CSNK2B: variants seen among roughly 807,000 people sequenced by gnomAD.
The protein encoded by CSNK2B is casein kinase II subunit beta.
CSNK2B carries 2 observed loss-of-function variants against 28.8 expected under a neutral mutation model. The ratio of observed to expected loss-of-function variants is 0.07; its 90% CI spans 0.03 to 0.22. The LOEUF (loss-of-function observed/expected upper bound fraction) is 0.22. CSNK2B is among the 10% of genes least tolerant of loss of function. CSNK2B has a pLI of 1.00. For synonymous variants in CSNK2B, 89 were observed against 96.1 expected (o/e 0.93, Z 0.43); for missense variants, 107 against 277.9 (o/e 0.39, Z 4.37).
At position 31,667,928 on chromosome 6, in the gene CSNK2B, C is replaced by A; in HGVS notation, c.133C>A (p.His45Asn). The A allele has an allele frequency of 6.4e-7, 1 of 1,574,542 alleles. No individual in the cohort carries two copies. The highest frequency in any genetic ancestry group is 8.6e-7 in the Non-Finnish European group (1 of 1,164,862). ...NLTGLNEQVP[H>N]YRQALDMILD... ...TACTGGACTCAATGAGCAGGTCCCT[C>A]ACTATCGACAAGCTCTAGACATGAT... The change falls in exon 3 of 7, where the codon CAC becomes AAC. Residue 45 changes from histidine (H) to asparagine (N), a missense_variant. By Grantham distance (68) the His-to-Asn change is moderately conservative (BLOSUM62 1). Transcript: ENST00000375882.
intron 4 of CSNK2B, 167 bp downstream of exon 4, chr6:31,668,821 G>A (rs1356594182): frequency 1.5e-6 from 1 of 653,900 alleles, no homozygotes; most frequent in Admixed American, 2.6e-5. Context: ...TCATCCTGAA[G>A]GGATTGTTTT....
intron 4 of CSNK2B, 107 bp downstream of exon 4, chr6:31,668,761 A>G: frequency 9.6e-7 from 1 of 1,037,476 alleles, no homozygotes; most frequent in Non-Finnish European, 1.5e-6. Flanking sequence ...AGCTGAGAAG[A>G]GGGGAAGAAC....
rs1802053190 is a variant in CSNK2B at position 31,669,794 on chromosome 6, G to A, written c.558-42G>A. On this transcript the variant is annotated intron_variant, in intron 6 of 6. Transcript: ENST00000375882. This position sits in a 1 kb window ranked among gnomAD's most constrained non-coding sequence, Gnocchi z 4.8. Reference sequence around the variant, plus strand: ...TGCAGGTGACTGGCAGGGCCTGGATGGGGCTCATGCTGCTGCCTCTCTGAC... The same window carrying A: ...TGCAGGTGACTGGCAGGGCCTGGATAGGGCTCATGCTGCTGCCTCTCTGAC... The A allele has an allele frequency of 1.8e-5, 27 of 1,537,468 alleles. No homozygotes were observed. Among genetic ancestry groups the A allele is most frequent in the Non-Finnish European group, 2.4e-5 (27 of 1,123,214 alleles).
At chr6:31,668,261 C>A in intron 3 of CSNK2B, 1 of 600,836 alleles carries the variant, frequency 1.7e-6, no homozygotes, top group Admixed American at 3.0e-5. Context: ...AGAATTTCAT[C>A]TTCTGCATTG....
chr6:31,669,761 G>A lies in CSNK2B; in HGVS notation c.558-75G>A. On this transcript the variant is annotated intron_variant, in intron 6 of 6. Transcript: ENST00000375882. The surrounding 1 kb of genome is among the most constrained non-coding windows in gnomAD (Gnocchi z 4.8). The stretch of plus-strand genomic sequence containing the variant: ...GTCCATAGAGGAGCTCAGGTGGGGA[G>A]GTGGGAATGCAGGTGACTGGCAGGG... 3 of 1,316,432 alleles carry A rather than the reference G, an allele frequency of 2.3e-6. No individual in the cohort carries two copies. Among genetic ancestry groups the A allele is most frequent in the Non-Finnish European group, 3.2e-6 (3 of 942,814 alleles). The allele number at this position is 1,316,432 out of a possible 1,614,324, so 81.5% of individuals were successfully genotyped here. A position where few individuals can be genotyped will look rare whatever the true frequency, so the allele number is the denominator to read the frequency against.
intron 1 of CSNK2B, chr6:31,666,495 G>A: frequency 2.4e-6 from 1 of 411,784 alleles, no homozygotes; most frequent in Non-Finnish European, 4.4e-6. Flanking sequence ...TTGGTAGGGA[G>A]CCTGAGTCGA....
intron 1 of CSNK2B, 55 bp from the exon 2 acceptor site, chr6:31,666,766 A>T (rs1801743497): frequency 1.4e-6 from 2 of 1,428,320 alleles, no homozygotes; most frequent in Non-Finnish European, 9.7e-7. Context: ...AGGAGGGAGG[A>T]TACCAGAGGC....
At position 31,669,199 on chromosome 6, in the gene CSNK2B, G is replaced by A; in HGVS notation, c.367+27G>A. On this transcript the variant is annotated intron_variant, in intron 5 of 6. Transcript: ENST00000375882. The surrounding 1 kb of genome is among the most constrained non-coding windows in gnomAD (Gnocchi z 4.8). ...TGAGTGTTGAAGAAGGGAAAGGAAA[G>A]CACCGTGTGGCAGTCTTATGGGAAG... 1.2e-6 allele frequency: 2 copies of A among 1,608,984 alleles called. No homozygotes were observed. The highest frequency in any genetic ancestry group is 8.5e-7 in the Non-Finnish European group (1 of 1,175,442).
chr6:31,666,961 C>T (rs1283348628), intron 2 of CSNK2B, 58 bp downstream of exon 2: 2 of 1,338,588 alleles, frequency 1.5e-6, no homozygotes, highest in South Asian at 1.2e-5. Context: ...ACCAGACGTT[C>T]CTTCACATAT....
chr6:31,668,238 C>T (rs1326472499), intron 3 of CSNK2B: 7 of 605,176 alleles, frequency 1.2e-5, no homozygotes, highest in African/African-American at 1.9e-5. Context: ...TCCTGCTTTG[C>T]ACCTTCCAGT....
intron 1 of CSNK2B, 98 bp downstream of exon 1, chr6:31,666,306 G>A: frequency 1.9e-6 from 1 of 535,466 alleles, no homozygotes; most frequent in Non-Finnish European, 2.4e-6. Context: ...GAAGCGACCA[G>A]GTCCGGCACG....
At chr6:31,668,031 T>A in intron 3 of CSNK2B, 61 bp downstream of exon 3, 1 of 1,127,782 alleles carries the variant, frequency 8.9e-7, no homozygotes, top group Non-Finnish European at 1.3e-6. Flanking sequence ...TTCAAATCTC[T>A]ATTCACTTGC....
chr6:31,670,010 T>A lies in CSNK2B; in HGVS notation c.*84T>A. 2 of 1,125,990 alleles carry A rather than the reference T, an allele frequency of 1.8e-6. No individual in the cohort carries two copies. The highest frequency in any genetic ancestry group is 2.5e-6 in the Non-Finnish European group (2 of 797,228). The allele number at this position is 1,125,990 out of a possible 1,614,324, so 69.7% of individuals were successfully genotyped here. On this transcript the variant is annotated 3_prime_UTR_variant, in exon 7 of 7. Transcript: ENST00000375882. ...CAGGAACCCTGTATGGTTTTTAGTT[T>A]AAATTAAAGGAGTCGTTATCGTGGT...
rs369875517 is a variant in CSNK2B, at chr6:31,669,301, A to T, written c.368-18A>T. On this transcript the variant is annotated intron_variant, in intron 5 of 6. Coordinates refer to ENST00000375882, the MANE Select transcript of CSNK2B (RefSeq NM_001320.7). The surrounding 1 kb of genome is among the most constrained non-coding windows in gnomAD (Gnocchi z 4.8). The stretch of plus-strand genomic sequence containing the variant: ...GAATAGGGGGATACCTGGCCTGCTG[A>T]GTCTGGCTGTCTCCCAGGCCTTTCA... 1.0e-5 allele frequency: 16 copies of T among 1,607,684 alleles called. No homozygotes were observed. The African/African-American group carries it at 2.1e-4, about 21-fold the overall frequency.
chr6:31,668,710 C>T, intron 4 of CSNK2B, 56 bp downstream of exon 4: 9 of 1,500,854 alleles, frequency 6.0e-6, no homozygotes, highest in East Asian at 2.3e-5. Context: ...ACACAGGTTC[C>T]TGCAGCAAGA....
chr6:31,668,041 C>A (rs1483120279), intron 3 of CSNK2B, 71 bp downstream of exon 3: 1 of 1,076,058 alleles, frequency 9.3e-7, no homozygotes, highest in East Asian at 2.4e-5. Context: ...TATTCACTTG[C>A]CTGAATTTTG....
chr6:31,668,114 C>T (rs1230092384), intron 3 of CSNK2B, 144 bp downstream of exon 3: 1 of 707,422 alleles, frequency 1.4e-6, no homozygotes, highest in East Asian at 2.7e-5. Flanking sequence ...GATCCTCCAC[C>T]TGACTCTTGT....
chr6:31,668,101 T>C, intron 3 of CSNK2B, 131 bp downstream of exon 3: 2 of 722,740 alleles, frequency 2.8e-6, no homozygotes, highest in Non-Finnish European at 2.5e-6. Flanking sequence ...CATGCTTTAT[T>C]TTGATCCTCC....
intron 1 of CSNK2B, 29 bp from the exon 2 acceptor site, chr6:31,666,792 G>C: frequency 6.3e-7 from 1 of 1,581,784 alleles, no homozygotes; most frequent in Non-Finnish European, 8.7e-7. Flanking sequence ...AGGAGAACTT[G>C]AGCTTTACTG....
Sources: gnomAD v4.1 joint callset for allele counts on GRCh38, gnomAD v4.1.1 for gene constraint, Gnocchi (gnomAD v3.1) non-coding constraint, MANE v1.5 for transcripts, NCBI Gene and HGNC (gene_info 2026-07-23, HGNC 2026-07-21) for gene names.